The following KIAA1958 variants were observed in gnomAD, a reference collection of about 807,000 sequenced individuals.
KIAA1958 encodes the protein KIAA1958.
Under a neutral mutation model 47.2 loss-of-function variants are expected in KIAA1958, and 14 were observed. The observed-to-expected ratio is 0.30, with a 90% CI of 0.20 to 0.46. The LOEUF is 0.46. KIAA1958 is among the 20% of genes least tolerant of loss of function. The probability of loss-of-function intolerance (pLI) is 1.00; values close to 1 mark genes in which losing one functional copy is unlikely to be tolerated. For missense variants in KIAA1958, 803 were observed against 909.2 expected (o/e 0.88, Z 1.50); for synonymous variants, 354 against 353.3 (o/e 1.00, Z -0.02).
At chr9:112,563,085 C>A (rs59289606) in intron 1 of KIAA1958, among the ~76,000 whole-genome samples, 20,857 of 131,452 alleles carry the variant, frequency 0.16, 1,779 homozygotes, top group East Asian at 0.21. Context: ...CTCTCTCTCT[C>A]TATATATATA....
In KIAA1958 at chr9:112,667,397, T is replaced by G. The variant is rs899942267; in HGVS notation, c.*7328T>G. 1 of 152,182 alleles carries G rather than the reference T, an allele frequency of 6.6e-6. No individual in the cohort carries two copies. Among genetic ancestry groups the G allele is most frequent in the African/African-American group, 2.4e-5 (1 of 41,422 alleles). The allele number at this position is 152,182 out of a possible 1,614,324, so 9.4% of individuals were successfully genotyped here. A position where few individuals can be genotyped will look rare whatever the true frequency, so the allele number is the denominator to read the frequency against. ...TTCAAGACCAGCCTGGCCAACATGG[T>G]GAACCCCGTCTCTACTAAAAATACA... On this transcript the variant is annotated 3_prime_UTR_variant, in exon 4 of 4. Coordinates refer to ENST00000337530, the MANE Select transcript of KIAA1958 (RefSeq NM_133465.4).
At chr9:112,604,784 G>A (rs1006668624) in intron 2 of KIAA1958, among the ~76,000 whole-genome samples, 1 of 151,878 alleles carries the variant, frequency 6.6e-6, no homozygotes, top group Non-Finnish European at 1.5e-5. Context: ...TGAAATATAT[G>A]TGGTGGATCT....
intron 3 of KIAA1958, among the ~76,000 whole-genome samples, chr9:112,646,200 A>C (rs547713113): frequency 1.1e-4 from 16 of 152,232 alleles, no homozygotes; most frequent in African/African-American, 3.1e-4. Context: ...GACTCACTTG[A>C]CTACAGCAGA....
At chr9:112,513,355 G>C (rs1173075455) in intron 1 of KIAA1958, among the ~76,000 whole-genome samples, 8 of 148,054 alleles carry the variant, frequency 5.4e-5, no homozygotes, top group Admixed American at 5.4e-4. Context: ...GGCCAGATTG[G>C]GAAGACTTTT....
rs745726133 is a variant in KIAA1958 at position 112,574,934 on chromosome 9, C to T, written c.854C>T (p.Ala285Val). Residue 285 changes from alanine (A) to valine (V), a missense_variant, in exon 2 of 4, where the codon GCT (alanine) becomes GTT (valine). Transcript: ENST00000337530. ...TCCAGACCAATTGTCCAGAAGACTG[C>T]TAGGGTATCTCTGGCTTCACCAAAC... ...VISRPIVQKT[A>V]RVSLASPNRG... is the part of the protein sequence containing the mutation. 3 of 1,613,872 alleles carry T rather than the reference C, an allele frequency of 1.9e-6. No individual in the cohort carries two copies. The highest frequency in any genetic ancestry group is 1.6e-4 in the Middle Eastern group (1 of 6,082).
intron 1 of KIAA1958, among the ~76,000 whole-genome samples, chr9:112,546,816 G>A (rs1835042482): frequency 6.6e-6 from 1 of 152,074 alleles, no homozygotes; most frequent in Non-Finnish European, 1.5e-5. Context: ...TATCCTTCAA[G>A]TATGAACTCG....
At chr9:112,503,720 A>G (rs1411672303) in intron 1 of KIAA1958, among the ~76,000 whole-genome samples, 1 of 150,984 alleles carries the variant, frequency 6.6e-6, no homozygotes, top group Non-Finnish European at 1.5e-5. Context: ...TGCTGGTGGT[A>G]GTGGGTAGGG....
Position 112,543,233 on chromosome 9 carries a change from G to C in KIAA1958, c.-24-30824G>C, listed in dbSNP as rs1356094853. On this transcript the variant is annotated intron_variant, in intron 1 of 3. Transcript: ENST00000337530. ...CTATTTGTTTTTGTTGTTGTTGTTTGTTTGTTTGTTTGTTTGTTTTAAAGC... is the reference window on the plus strand; with the variant it reads ...CTATTTGTTTTTGTTGTTGTTGTTTCTTTGTTTGTTTGTTTGTTTTAAAGC... Among the ~76,000 whole-genome samples, 6 of 151,806 alleles carry C rather than the reference G, an allele frequency of 4.0e-5. No individual in the cohort carries two copies. The East Asian group carries it at 1.2e-3, about 29-fold the overall frequency.
intron 1 of KIAA1958, among the ~76,000 whole-genome samples, chr9:112,525,033 A>C (rs1039249624): frequency 7.0e-5 from 5 of 71,204 alleles, no homozygotes; most frequent in African/African-American, 2.5e-4. Flanking sequence ...TTTTATATAG[A>C]ACATTGTCTT....
chr9:112,665,086 C>A lies in KIAA1958; in HGVS notation c.*5017C>A, dbSNP rs375485321. On this transcript the variant is annotated 3_prime_UTR_variant, in exon 4 of 4. Transcript: ENST00000337530. ...TGGAAGTTAATTATTTCAGGAAATA[C>A]ATAATAAGACCAAAAAAATCACTGG... is the stretch of plus-strand genomic sequence containing the variant. The A allele has an allele frequency of 7.8e-6, 1 of 127,400 alleles. No homozygotes were observed. Among genetic ancestry groups the A allele is most frequent in the Non-Finnish European group, 1.9e-5 (1 of 52,390 alleles). 7.9% of individuals were successfully genotyped at this position (127,400 alleles called of 1,614,324 possible).
chr9:112,545,616 C>T (rs1358257754), intron 1 of KIAA1958, among the ~76,000 whole-genome samples: 1 of 152,072 alleles, frequency 6.6e-6, no homozygotes, highest in Admixed American at 6.6e-5. Flanking sequence ...CCCTTTGAAA[C>T]ATGTCTTTTT....
chr9:112,525,918 TTTCTTCTTCTTCTTCTTCTTC>T lies in KIAA1958; in HGVS notation c.-25+38863_-25+38883del, dbSNP rs758525184. Among the ~76,000 whole-genome samples, 56 of 96,504 alleles carry T rather than the reference TTTCTTCTTCTTCTTCTTCTTC, an allele frequency of 5.8e-4. 2 individuals carry two copies. The East Asian group carries it at 0.015, about 26-fold the overall frequency. The allele number at this position is 96,504 out of a possible 152,430, so 63.3% of individuals were successfully genotyped here. ...AAGTTGGAAAGCTTCATTTATATTC[TTTCTTCTTCTTCTTCTTCTTC>T]TTCTTCTTCTTCTTCTTCTTCTTCT... On this transcript the variant is annotated intron_variant, in intron 1 of 3. Transcript: ENST00000337530.
chr9:112,488,578 G>A (rs1176901973), intron 1 of KIAA1958, among the ~76,000 whole-genome samples: 3 of 151,776 alleles, frequency 2.0e-5, no homozygotes, highest in African/African-American at 4.8e-5. Context: ...AGTTACCCAG[G>A]AGATTAAAAA....
intron 2 of KIAA1958, among the ~76,000 whole-genome samples, chr9:112,623,821 A>G (rs181697614): frequency 1.3e-5 from 2 of 152,346 alleles, no homozygotes; most frequent in Admixed American, 6.5e-5. Context: ...GGGACTGCCT[A>G]TAAGCCAGTA....
chr9:112,503,880 A>T (rs1209492907), intron 1 of KIAA1958, among the ~76,000 whole-genome samples: 3 of 151,644 alleles, frequency 2.0e-5, no homozygotes, highest in African/African-American at 7.3e-5. Context: ...GATTGGAAGG[A>T]AATACCCTAA....
chr9:112,554,836 A>G (rs1688347714), intron 1 of KIAA1958, among the ~76,000 whole-genome samples: 2 of 152,196 alleles, frequency 1.3e-5, no homozygotes, highest in Admixed American at 1.3e-4. Context: ...TTCACTGTAC[A>G]GCCTGATTTG....
Position 112,574,717 on chromosome 9 carries a change from A to G in KIAA1958, c.637A>G (p.Ile213Val). 2 of 1,614,194 alleles carry G rather than the reference A, an allele frequency of 1.2e-6. No homozygotes were observed. The highest frequency in any genetic ancestry group is 1.1e-5 in the South Asian group (1 of 91,078). ...IKQEIPEDYYIVANAELTGGV... is the reference protein window; with the variant it reads ...IKQEIPEDYYVVANAELTGGV... ...ACAAGAAATCCCCGAAGATTATTACATTGTGGCAAATGCAGAACTGACAGG... is the reference window on the plus strand; with the variant it reads ...ACAAGAAATCCCCGAAGATTATTACGTTGTGGCAAATGCAGAACTGACAGG... Residue 213 changes from isoleucine to valine, a missense_variant, in exon 2 of 4, where the codon ATT becomes GTT. Ile to Val is a conservative substitution (Grantham distance 29, BLOSUM62 3). This residue lies in a region of KIAA1958 where 761 missense variants were observed against 829.3 expected (regional missense o/e 0.92). Transcript: ENST00000337530.
intron 2 of KIAA1958, among the ~76,000 whole-genome samples, chr9:112,631,356 A>G (rs1302508296): frequency 2.0e-5 from 3 of 151,936 alleles, no homozygotes; most frequent in Non-Finnish European, 2.9e-5. Flanking sequence ...GTGAGACCCC[A>G]TCTCTACAAA....
intron 1 of KIAA1958, among the ~76,000 whole-genome samples, chr9:112,571,124 C>T (rs1218864732): frequency 6.6e-6 from 1 of 152,218 alleles, no homozygotes; most frequent in East Asian, 1.9e-4. Flanking sequence ...CACTCAGACT[C>T]ACACACTAAT....
Sources: gnomAD v4.1 joint callset for allele counts (sites outside exome capture counted in the v4.1 genomes callset) on GRCh38, gnomAD v4.1.1 for gene constraint, gnomAD v4.1.1 regional missense constraint, MANE v1.5 for transcripts, NCBI Gene and HGNC (gene_info 2026-07-23, HGNC 2026-07-21) for gene names.